Variants in PCDHA8 observed in about 807,000 individuals in gnomAD.
The protein encoded by PCDHA8 is protocadherin alpha 8.
PCDHA8 carries 53 observed loss-of-function variants against 61.8 expected under a neutral mutation model. The observed-to-expected ratio is 0.86, with a 90% CI of 0.69 to 1.08. PCDHA8 has a LOEUF of 1.08. PCDHA8 is among the 50% of genes least tolerant of loss of function. The pLI, the probability that PCDHA8 is intolerant of heterozygous loss-of-function variation, is 0.00. For missense variants in PCDHA8, 1,293 were observed against 1,245.0 expected, an observed-to-expected ratio of 1.04 and a Z score of -0.58; for synonymous variants, 618 against 556.6, an observed-to-expected ratio of 1.11 and a Z score of -1.55.
intron 1 of PCDHA8, among the ~76,000 whole-genome samples, chr5:140,974,578 C>T (rs1554236214): frequency 6.6e-6 from 1 of 152,170 alleles, no homozygotes; most frequent in Admixed American, 6.5e-5. Flanking sequence ...ATGGCATGAT[C>T]TTGGCTCACT....
intron 1 of PCDHA8, chr5:140,868,917 AAGTT>A: frequency 1.0e-6 from 1 of 955,956 alleles, no homozygotes; most frequent in Non-Finnish European, 1.5e-6. Flanking sequence ...ACTTGGTGGA[AAGTT>A]CATTTAAAGG....
At chr5:140,987,292 T>G (rs2097246000) in intron 3 of PCDHA8, among the ~76,000 whole-genome samples, 1 of 152,134 alleles carries the variant, frequency 6.6e-6, no homozygotes, top group African/African-American at 2.4e-5. Context: ...TTAACAAGCC[T>G]TCTATGTGAT....
chr5:140,876,792 A>C, intron 1 of PCDHA8: 1 of 1,614,116 alleles, frequency 6.2e-7, no homozygotes, highest in East Asian at 2.2e-5. Flanking sequence ...CCACGGCTAG[A>C]GTGTCCGTGG....
intron 1 of PCDHA8, among the ~76,000 whole-genome samples, chr5:140,962,346 TC>T (rs35212677): frequency 6.6e-6 from 1 of 152,108 alleles, no homozygotes; most frequent in Non-Finnish European, 1.5e-5. Flanking sequence ...GAAGTAAAAC[TC>T]CCCCCAATAC....
chr5:141,003,714 C>T (rs781976885), intron 3 of PCDHA8, among the ~76,000 whole-genome samples: 17 of 152,266 alleles, frequency 1.1e-4, no homozygotes, highest in South Asian at 2.1e-4. Flanking sequence ...GTGAAGATAT[C>T]GGCTAATCCA....
rs782248457 is a variant in PCDHA8, at chr5:140,927,179, C to G, written c.2395-51770C>G. 8 of 1,614,050 alleles carry G rather than the reference C, an allele frequency of 5.0e-6. No individual in the cohort carries two copies. The South Asian group carries it at 8.8e-5, about 18-fold the overall frequency. ...AGGGCCAAAGCTGCCTGCGTCTTGA[C>G]CTACGACCTGGTGCTCGAGGACCCG... On this transcript the variant is annotated intron_variant, in intron 1 of 3. Transcript: ENST00000531613.
intron 1 of PCDHA8, chr5:140,870,757 GT>G: frequency 6.2e-7 from 1 of 1,613,572 alleles, no homozygotes; most frequent in Non-Finnish European, 8.5e-7. Context: ...GACGCTGCAG[GT>G]GTTCGTGCTG....
intron 1 of PCDHA8, chr5:140,967,124 A>G (rs782387198): frequency 1.2e-6 from 2 of 1,612,200 alleles, no homozygotes; most frequent in South Asian, 2.2e-5. Context: ...CTGCCTGCTC[A>G]GCTTGGAAGT....
intron 1 of PCDHA8, chr5:140,968,562 C>T (rs1210264786): frequency 4.3e-6 from 7 of 1,614,090 alleles, no homozygotes; most frequent in Non-Finnish European, 8.5e-7. Context: ...CGAACTGCCC[C>T]TGCTGGCTAC....
intron 1 of PCDHA8, among the ~76,000 whole-genome samples, chr5:140,961,302 A>G (rs1383841228): frequency 6.6e-6 from 1 of 152,222 alleles, no homozygotes; most frequent in African/African-American, 2.4e-5. Context: ...GTTAAAGAAC[A>G]TGATTTACCA....
intron 1 of PCDHA8, chr5:140,850,329 C>T: frequency 6.3e-7 from 1 of 1,597,650 alleles, no homozygotes; most frequent in Non-Finnish European, 8.6e-7. Context: ...ATACGAGCTG[C>T]AGCCAGAAAC....
chr5:140,972,316 G>GTT (rs112435719), intron 1 of PCDHA8, among the ~76,000 whole-genome samples: 1 of 139,858 alleles, frequency 7.2e-6, no homozygotes, highest in Non-Finnish European at 1.6e-5. Flanking sequence ...GTTTTTAGGT[G>GTT]TTTTTTTTTT....
intron 1 of PCDHA8, among the ~76,000 whole-genome samples, chr5:140,899,821 C>G (rs1286169760): frequency 1.3e-5 from 2 of 151,902 alleles, no homozygotes; most frequent in African/African-American, 4.8e-5. Flanking sequence ...TTTGTTTTTC[C>G]TTTTTGAGAC....
At position 140,858,007 on chromosome 5, in the gene PCDHA8, T is replaced by A. The variant is rs1383838363; in HGVS notation, c.2394+14292T>A. The stretch of plus-strand genomic sequence containing the variant: ...GCCTACTGGTGCTGGTGAAGGACCA[T>A]GGCGAGCCGTCGCTGACGGCCACGG... On this transcript the variant is annotated intron_variant, in intron 1 of 3. Coordinates refer to ENST00000531613, the MANE Select transcript of PCDHA8 (RefSeq NM_018911.3). The A allele has an allele frequency of 8.8e-6, 14 of 1,596,616 alleles. 1 individual carries two copies. Among genetic ancestry groups the A allele is most frequent in the Non-Finnish European group, 1.1e-5 (13 of 1,167,062 alleles).
chr5:140,848,811 C>T (rs2150421189), intron 1 of PCDHA8: 1 of 1,591,760 alleles, frequency 6.3e-7, no homozygotes, highest in Non-Finnish European at 8.6e-7. Flanking sequence ...CAGCATCCAC[C>T]TGGAGGTGAT....
chr5:140,974,578 C>A (rs1554236214), intron 1 of PCDHA8, among the ~76,000 whole-genome samples: 1 of 152,170 alleles, frequency 6.6e-6, no homozygotes, highest in Non-Finnish European at 1.5e-5. Flanking sequence ...ATGGCATGAT[C>A]TTGGCTCACT....
At chr5:140,882,868 G>T in intron 1 of PCDHA8, 1 of 1,614,184 alleles carries the variant, frequency 6.2e-7, no homozygotes, top group Non-Finnish European at 8.5e-7. Context: ...GGAAAACACT[G>T]GACAGAGAGG....
chr5:140,949,111 T>C (rs1316111436), intron 1 of PCDHA8, among the ~76,000 whole-genome samples: 1 of 151,772 alleles, frequency 6.6e-6, no homozygotes, highest in African/African-American at 2.4e-5. Context: ...AGTTTACAAA[T>C]ATTTTTGGTT....
rs1554148728 is a variant in PCDHA8, at chr5:140,856,447, C to T, written c.2394+12732C>T. On this transcript the variant is annotated intron_variant, in intron 1 of 3. Transcript: ENST00000531613. ...TTAACGACAACCCGCCCAGGTTCTC[C>T]GTAACAGAACAAAAGCTCTCAATAC... 8 of 1,598,330 alleles carry T rather than the reference C, an allele frequency of 5.0e-6. 1 individual carries two copies. The highest frequency in any genetic ancestry group is 6.8e-6 in the Non-Finnish European group (8 of 1,167,884).
Sources: gnomAD v4.1 joint callset for allele counts (sites outside exome capture counted in the v4.1 genomes callset) on GRCh38, gnomAD v4.1.1 for gene constraint, MANE v1.5 for transcripts, NCBI Gene and HGNC (gene_info 2026-07-23, HGNC 2026-07-21) for gene names.